DLG1: variants seen among roughly 807,000 people sequenced by gnomAD.
DLG1 encodes the protein disks large homolog 1.
A neutral mutation model predicts 123.4 loss-of-function variants in DLG1; 42 were observed. The observed-to-expected ratio is 0.34, with a 90% confidence interval of 0.27 to 0.44. The LOEUF (loss-of-function observed/expected upper bound fraction) is 0.44, where lower values mean the gene tolerates loss of function less well. Among genes scored for constraint, DLG1 ranks in the 20% least tolerant of loss-of-function variants. The pLI is 1.00. For missense variants in DLG1, 942 were observed against 1,082.6 expected, an observed-to-expected ratio of 0.87 and a Z score of 1.82; for synonymous variants, 317 against 356.2, an observed-to-expected ratio of 0.89 and a Z score of 1.24.
At position 197,047,854 on chromosome 3, in the gene DLG1, T is replaced by G. The variant is rs56278074; in HGVS notation, c.2576-3125A>C. On this transcript the variant is annotated intron_variant, in intron 24 of 24. Transcript: ENST00000667157. Reference sequence around the variant, plus strand: ...CACAGGGAAAAAAGCGCCTTCACACTGGTCTTGGATGATTTTTTGGAAAGC... The same window carrying G: ...CACAGGGAAAAAAGCGCCTTCACACGGGTCTTGGATGATTTTTTGGAAAGC... Among the ~76,000 whole-genome samples the G allele has an allele frequency of 5.3e-3, 805 of 152,258 alleles. 4 individuals are homozygous for G. The highest frequency in any genetic ancestry group is 8.1e-3 in the Non-Finnish European group (552 of 68,018).
At chr3:197,217,159 T>C (rs1379054734) in intron 4 of DLG1, among the ~76,000 whole-genome samples, 1 of 152,232 alleles carries the variant, frequency 6.6e-6, no homozygotes, top group Non-Finnish European at 1.5e-5. Context: ...TAAGAGTATA[T>C]GTGAGAGTAT....
intron 4 of DLG1, among the ~76,000 whole-genome samples, chr3:197,196,842 T>C (rs1322178162): frequency 6.6e-6 from 1 of 151,842 alleles, no homozygotes; most frequent in Non-Finnish European, 1.5e-5. Context: ...TAAAACTATG[T>C]ATGTACATAA....
At chr3:197,197,657 C>T (rs1300550350) in intron 4 of DLG1, among the ~76,000 whole-genome samples, 1 of 152,198 alleles carries the variant, frequency 6.6e-6, no homozygotes, top group East Asian at 1.9e-4. Context: ...ATCCTAATAT[C>T]CACACGGAAT....
At chr3:197,298,100 C>G in intron 1 of DLG1, 1 of 242,364 alleles carries the variant, frequency 4.1e-6, no homozygotes, top group Non-Finnish European at 6.7e-6. Context: ...ACCGCTCTCC[C>G]CCGAAACTTT....
At chr3:197,142,657 T>C (rs1054546211) in intron 7 of DLG1, 61 bp downstream of exon 7, 5 of 1,246,656 alleles carry the variant, frequency 4.0e-6, no homozygotes, top group South Asian at 1.4e-5. Context: ...TTGGATTCTG[T>C]ATGAAAAAGC....
At chr3:197,161,361 G>T (rs947038742) in intron 5 of DLG1, among the ~76,000 whole-genome samples, 3 of 152,082 alleles carry the variant, frequency 2.0e-5, no homozygotes, top group Non-Finnish European at 4.4e-5. Flanking sequence ...TTTAAAAACT[G>T]TTTTAAGCAG....
chr3:197,146,204 T>C (rs1315898612), intron 6 of DLG1, among the ~76,000 whole-genome samples: 1 of 152,030 alleles, frequency 6.6e-6, no homozygotes, highest in Non-Finnish European at 1.5e-5. Context: ...GTAGAATCAA[T>C]ACTGTGAAAA....
chr3:197,208,674 C>G (rs184020586), intron 4 of DLG1, among the ~76,000 whole-genome samples: 1 of 140,670 alleles, frequency 7.1e-6, no homozygotes, highest in Non-Finnish European at 1.6e-5. Context: ...GACTACACTC[C>G]TGTGTGTGTG....
At chr3:197,134,227 C>T (rs370470935) in intron 10 of DLG1, among the ~76,000 whole-genome samples, 1 of 151,912 alleles carries the variant, frequency 6.6e-6, no homozygotes, top group East Asian at 1.9e-4. Context: ...CTTTCCTTTT[C>T]GCCATCATTA....
intron 4 of DLG1, among the ~76,000 whole-genome samples, chr3:197,238,897 A>T (rs1454236409): frequency 4.6e-5 from 7 of 152,208 alleles, no homozygotes; most frequent in Admixed American, 3.3e-4. Context: ...ATCTCAAATC[A>T]AGAACCTAGT....
rs1409008470 is a variant in DLG1, at chr3:197,298,608, G to C, written c.-104C>G. 2.5e-6 allele frequency: 1 copy of C among 398,628 alleles called. No homozygotes were observed. The highest frequency in any genetic ancestry group is 4.4e-6 in the Non-Finnish European group (1 of 226,086). The allele number at this position is 398,628 out of a possible 1,614,324, so 24.7% of individuals were successfully genotyped here. A position where few individuals can be genotyped will look rare whatever the true frequency, so the allele number is the denominator to read the frequency against. On this transcript the variant is annotated 5_prime_UTR_variant, in exon 1 of 25. Transcript: ENST00000667157. ...GCAGAGACAGCGCCTGGCGACCCCG[G>C]GGGTAGATCCCCACCGGGGAAAAGC...
chr3:197,106,497 T>A (rs1341148609), intron 13 of DLG1, among the ~76,000 whole-genome samples: 2 of 148,838 alleles, frequency 1.3e-5, no homozygotes, highest in Non-Finnish European at 3.0e-5. Flanking sequence ...TATTAGTATC[T>A]CCAGCTGATG....
At chr3:197,275,455 G>A (rs1038466686) in intron 4 of DLG1, among the ~76,000 whole-genome samples, 7 of 152,124 alleles carry the variant, frequency 4.6e-5, no homozygotes, top group Non-Finnish European at 1.0e-4. Context: ...CATGTTTATC[G>A]CACCACTATT....
chr3:197,045,027 A>G (rs112845386), intron 24 of DLG1, among the ~76,000 whole-genome samples: 5 of 152,210 alleles, frequency 3.3e-5, no homozygotes, highest in African/African-American at 1.2e-4. Context: ...TTATTTTCTT[A>G]ACTTTCCTGA....
At chr3:197,155,655 A>T (rs1295859276) in intron 5 of DLG1, among the ~76,000 whole-genome samples, 2 of 152,126 alleles carry the variant, frequency 1.3e-5, no homozygotes, top group African/African-American at 2.4e-5. Flanking sequence ...CTAGCCAGGC[A>T]TGGTGGCTCA....
chr3:197,104,771 T>C (rs1765449931), intron 14 of DLG1, 132 bp downstream of exon 14: 3 of 664,070 alleles, frequency 4.5e-6, no homozygotes, highest in Non-Finnish European at 2.7e-6. Flanking sequence ...AAACAAATAC[T>C]GGATTAGCAA....
chr3:197,209,934 G>GT (rs1363223278), intron 4 of DLG1, among the ~76,000 whole-genome samples: 7 of 146,484 alleles, frequency 4.8e-5, no homozygotes, highest in Non-Finnish European at 3.1e-5. Flanking sequence ...GTCACACATT[G>GT]TTACCAGAAG....
At chr3:197,179,356 A>G (rs1466662653) in intron 5 of DLG1, among the ~76,000 whole-genome samples, 1 of 152,124 alleles carries the variant, frequency 6.6e-6, no homozygotes, top group Non-Finnish European at 1.5e-5. Flanking sequence ...GGAGGGGAGG[A>G]AAGGTCAAAA....
Position 197,130,682 on chromosome 3 carries a change from TC to T in DLG1, c.1021-12del. The T allele has an allele frequency of 6.3e-7, 1 of 1,580,196 alleles. No homozygotes were observed. ...ACATACGTTATTCACCTAAAAAAAG[TC>T]CCAAAAGACATTTATGACATATTCA... On this transcript the variant is annotated splice_polypyrimidine_tract_variant and intron_variant, in intron 10 of 24. Coordinates refer to ENST00000667157, the MANE Select transcript of DLG1 (RefSeq NM_001366207.1).
Sources: gnomAD v4.1 joint callset for allele counts (sites outside exome capture counted in the v4.1 genomes callset) on GRCh38, gnomAD v4.1.1 for gene constraint, MANE v1.5 for transcripts, NCBI Gene and HGNC (gene_info 2026-07-23, HGNC 2026-07-21) for gene names.